The following RBFOX1 variants were observed in gnomAD, a reference collection of about 807,000 sequenced individuals.
RBFOX1 encodes RNA binding protein fox-1 homolog 1.
A neutral mutation model predicts 57.7 loss-of-function variants in RBFOX1; 8 were observed. The ratio of observed to expected loss-of-function variants is 0.14; its 90% CI spans 0.08 to 0.25. RBFOX1 has a LOEUF of 0.25. Among genes scored for constraint, RBFOX1 ranks in the 10% least tolerant of loss-of-function variants. RBFOX1 has a pLI of 1.00. For missense variants in RBFOX1, 611 were observed against 548.5 expected, an observed-to-expected ratio of 1.11 and a Z score of -1.14; for synonymous variants, 326 against 222.4, an observed-to-expected ratio of 1.47 and a Z score of -4.15.
chr16:5,359,983 C>G (rs1383617935), intron 1 of RBFOX1, among the ~76,000 whole-genome samples: 1 of 152,196 alleles, frequency 6.6e-6, no homozygotes, highest in Non-Finnish European at 1.5e-5. Context: ...AGAGCGAAAA[C>G]AATCCAAAAC....
chr16:6,355,605 A>G (rs537090583), intron 2 of RBFOX1, among the ~76,000 whole-genome samples: 60 of 152,176 alleles, frequency 3.9e-4, no homozygotes, highest in Non-Finnish European at 6.3e-4. Flanking sequence ...ACATGTGCAT[A>G]TGCCTTTATA....
chr16:5,276,312 C>G (rs549081883), intron 1 of RBFOX1, among the ~76,000 whole-genome samples: 20 of 152,240 alleles, frequency 1.3e-4, no homozygotes, highest in African/African-American at 4.1e-4. Flanking sequence ...CCAGAATCTA[C>G]AGGGAACTCT....
chr16:6,056,358 T>C (rs8055878), intron 1 of RBFOX1, among the ~76,000 whole-genome samples: 141,460 of 152,274 alleles, frequency 0.93, 65,817 homozygotes, highest in African/African-American at 0.97. Context: ...TTGAATGAAC[T>C]GATGAGTGTA....
intron 3 of RBFOX1, among the ~76,000 whole-genome samples, chr16:6,970,975 C>G (rs2085402662): frequency 6.6e-6 from 1 of 152,160 alleles, no homozygotes; most frequent in African/African-American, 2.4e-5. Flanking sequence ...TTTCCTCCTG[C>G]CCTTATTTGA....
At chr16:7,417,412 C>G (rs911811510) in intron 4 of RBFOX1, among the ~76,000 whole-genome samples, 1 of 150,286 alleles carries the variant, frequency 6.7e-6, no homozygotes. Context: ...ATATCCTGTT[C>G]CCCCAGTTTC....
Position 5,946,021 on chromosome 16 carries a change from AAG to A in RBFOX1, c.351+78690_351+78691del, listed in dbSNP as rs2059393534. 6.6e-6 allele frequency among the ~76,000 whole-genome samples: 1 copy of A among 152,186 alleles called. No homozygotes were observed. The highest frequency in any genetic ancestry group is 1.5e-5 in the Non-Finnish European group (1 of 68,038). ...CACCGGCGTCCACATTGGGTTTAAAAAGAGAAAAGAAGTCTGCTTTGTTTGCT... is the reference window on the plus strand; with the variant it reads ...CACCGGCGTCCACATTGGGTTTAAAAAGAAAAGAAGTCTGCTTTGTTTGCT... On this transcript the variant is annotated intron_variant, in intron 4 of 19. Coordinates refer to the RBFOX1 transcript ENST00000641259. The surrounding 1 kb of genome is among the most constrained non-coding windows in gnomAD (Gnocchi z 4.6).
intron 2 of RBFOX1, among the ~76,000 whole-genome samples, chr16:6,405,184 C>T (rs746916129): frequency 6.6e-6 from 1 of 152,168 alleles, no homozygotes; most frequent in African/African-American, 2.4e-5. Context: ...GCAGTCTCTT[C>T]TGATATATCT....
At chr16:6,170,476 T>C (rs966433901) in intron 1 of RBFOX1, among the ~76,000 whole-genome samples, 1 of 152,210 alleles carries the variant, frequency 6.6e-6, no homozygotes, top group African/African-American at 2.4e-5. Context: ...TGCATTGTTA[T>C]GCGTAATAAG....
Position 6,679,288 on chromosome 16 carries a change from G to C in RBFOX1, c.-16+24638G>C, listed in dbSNP as rs113459517. Among the ~76,000 whole-genome samples the C allele has an allele frequency of 4.6e-3, 700 of 152,112 alleles. 7 individuals carry two copies. Among genetic ancestry groups the C allele is most frequent in the African/African-American group, 0.016 (677 of 41,494 alleles). On this transcript the variant is annotated intron_variant, in intron 3 of 15. Coordinates refer to ENST00000550418, the MANE Select transcript of RBFOX1 (RefSeq NM_018723.4). Reference sequence around the variant, plus strand: ...AAGTGAGCTTAAAGAAAAATAATAAGCTAATCATGGTAAAGGTGACTCAAG... The same window carrying C: ...AAGTGAGCTTAAAGAAAAATAATAACCTAATCATGGTAAAGGTGACTCAAG...
At chr16:7,309,984 C>T (rs1048945595) in intron 4 of RBFOX1, among the ~76,000 whole-genome samples, 9 of 152,182 alleles carry the variant, frequency 5.9e-5, no homozygotes, top group East Asian at 3.9e-4. Flanking sequence ...TTCCTATTGC[C>T]GGGTGCTGCC....
chr16:5,827,933 C>A (rs1160699527), intron 3 of RBFOX1, among the ~76,000 whole-genome samples: 2 of 145,052 alleles, frequency 1.4e-5, no homozygotes, highest in Admixed American at 6.9e-5. Context: ...ATCCACCCAC[C>A]CATCCACCCA....
At chr16:7,048,381 TC>T (rs1014950985) in intron 3 of RBFOX1, among the ~76,000 whole-genome samples, 4 of 152,030 alleles carry the variant, frequency 2.6e-5, no homozygotes, top group Admixed American at 1.3e-4. Flanking sequence ...TGCCTCAGCC[TC>T]CCTAGTAGCT....
intron 1 of RBFOX1, among the ~76,000 whole-genome samples, chr16:5,326,068 C>T (rs992159906): frequency 2.0e-5 from 3 of 152,120 alleles, no homozygotes; most frequent in Non-Finnish European, 2.9e-5. Context: ...TTTACACTCC[C>T]GTCAGACAGC....
intron 4 of RBFOX1, among the ~76,000 whole-genome samples, chr16:7,404,909 T>A (rs2098311763): frequency 6.6e-6 from 1 of 152,142 alleles, no homozygotes; most frequent in Admixed American, 6.5e-5. Flanking sequence ...TGGATTTTAT[T>A]TCCAGTGAGT....
intron 1 of RBFOX1, among the ~76,000 whole-genome samples, chr16:5,454,800 T>C (rs553898589): frequency 2.6e-5 from 4 of 151,152 alleles, no homozygotes; most frequent in African/African-American, 9.7e-5. Context: ...TCTTTCTTTC[T>C]TTCTTTCCCT....
At chr16:7,000,430 T>G (rs577556948) in intron 3 of RBFOX1, among the ~76,000 whole-genome samples, 1 of 152,162 alleles carries the variant, frequency 6.6e-6, no homozygotes, top group Non-Finnish European at 1.5e-5. Context: ...GTCATTTTTA[T>G]GCAACAGTCT....
At chr16:7,225,948 G>A (rs1603373571) in intron 4 of RBFOX1, among the ~76,000 whole-genome samples, 1 of 147,306 alleles carries the variant, frequency 6.8e-6, no homozygotes, top group Non-Finnish European at 1.5e-5. Flanking sequence ...TCTGAGATGG[G>A]TGTCAGGAAT....
intron 2 of RBFOX1, among the ~76,000 whole-genome samples, chr16:6,471,744 C>T (rs2095179577): frequency 6.6e-6 from 1 of 152,132 alleles, no homozygotes; most frequent in Non-Finnish European, 1.5e-5. Context: ...TTTTGCTTTT[C>T]TTCAAGGCAA....
intron 4 of RBFOX1, among the ~76,000 whole-genome samples, chr16:7,204,118 C>T (rs552304159): frequency 5.3e-5 from 8 of 152,208 alleles, no homozygotes; most frequent in East Asian, 1.9e-4. Flanking sequence ...GGGAAATCCA[C>T]GGCACCCACA....
Sources: gnomAD v4.1 joint callset for allele counts (sites outside exome capture counted in the v4.1 genomes callset) on GRCh38, gnomAD v4.1.1 for gene constraint, Gnocchi (gnomAD v3.1) non-coding constraint, MANE v1.5 for transcripts, NCBI Gene and HGNC (gene_info 2026-07-23, HGNC 2026-07-21) for gene names.